Variants in SLC22A15 observed in about 807,000 individuals in gnomAD.
The protein encoded by SLC22A15 is flipt 1.
SLC22A15 carries 45 observed loss-of-function variants against 62.7 expected under a neutral mutation model. The ratio of observed to expected loss-of-function variants is 0.72; its 90% CI spans 0.56 to 0.92. The LOEUF is 0.92. Ranked by LOEUF, SLC22A15 falls within the 40% of genes least tolerant of loss-of-function variation. The pLI is 0.00. For missense variants in SLC22A15, 622 were observed against 665.6 expected, an observed-to-expected ratio of 0.93 and a Z score of 0.72; for synonymous variants, 264 against 267.0, an observed-to-expected ratio of 0.99 and a Z score of 0.11.
At chr1:116,024,063 TA>T (rs1333196745) in intron 4 of SLC22A15, among the ~76,000 whole-genome samples, 1 of 152,152 alleles carries the variant, frequency 6.6e-6, no homozygotes, top group African/African-American at 2.4e-5. Flanking sequence ...TGGGGCATAT[TA>T]AATACAGGAG....
chr1:116,023,912 A>G (rs1656963963), intron 4 of SLC22A15, among the ~76,000 whole-genome samples: 1 of 152,198 alleles, frequency 6.6e-6, no homozygotes, highest in South Asian at 2.1e-4. Flanking sequence ...ACTTCTTTGA[A>G]AAGTTTTGAA....
At chr1:116,026,798 T>G in intron 4 of SLC22A15, 95 bp from the exon 5 acceptor site, 1 of 1,490,652 alleles carries the variant, frequency 6.7e-7, no homozygotes, top group Non-Finnish European at 9.2e-7. Context: ...AGGGCTGACA[T>G]CTCACCAGGA....
intron 2 of SLC22A15, among the ~76,000 whole-genome samples, chr1:115,993,144 A>C (rs1260211380): frequency 6.6e-6 from 1 of 152,098 alleles, no homozygotes; most frequent in African/African-American, 2.4e-5. Flanking sequence ...GGCAGATCTC[A>C]TGGTCAGCTG....
intron 8 of SLC22A15, among the ~76,000 whole-genome samples, chr1:116,045,759 A>ATT (rs1657915443): frequency 6.8e-6 from 1 of 147,070 alleles, no homozygotes. Flanking sequence ...AAAAAAAAAG[A>ATT]CTTATAATGA....
intron 2 of SLC22A15, among the ~76,000 whole-genome samples, chr1:115,996,671 C>A (rs78069298): frequency 6.6e-6 from 1 of 150,970 alleles, no homozygotes; most frequent in East Asian, 1.9e-4. Flanking sequence ...AAATATTGTA[C>A]AATTCATTTT....
chr1:116,002,142 C>T (rs1655772195), intron 2 of SLC22A15, among the ~76,000 whole-genome samples: 1 of 152,172 alleles, frequency 6.6e-6, no homozygotes, highest in South Asian at 2.1e-4. Flanking sequence ...GGAGAATTTC[C>T]TGGATTACCA....
chr1:116,037,277 C>T (rs1215061055), intron 7 of SLC22A15, 26 bp from the exon 8 acceptor site: 1 of 1,578,266 alleles, frequency 6.3e-7, no homozygotes, highest in Admixed American at 1.7e-5. Flanking sequence ...CTTAAGAGAA[C>T]TGTGTAATTT....
At chr1:116,039,458 A>C (rs1387572577) in intron 8 of SLC22A15, among the ~76,000 whole-genome samples, 1 of 152,200 alleles carries the variant, frequency 6.6e-6, no homozygotes, top group South Asian at 2.1e-4. Context: ...GCTTGAACCC[A>C]GGAGCTGGAG....
chr1:116,021,532 T>C (rs1015233552), intron 4 of SLC22A15, among the ~76,000 whole-genome samples: 25 of 152,246 alleles, frequency 1.6e-4, no homozygotes, highest in Non-Finnish European at 2.8e-4. Context: ...TTGTTTCTTT[T>C]ACTTTCATTC....
In SLC22A15 at chr1:116,068,297, G is replaced by A. The variant is rs1321925475; in HGVS notation, c.*1189G>A. The A allele has an allele frequency of 1.3e-5, 2 of 152,614 alleles. No individual in the cohort carries two copies. The highest frequency in any genetic ancestry group is 2.9e-5 in the Non-Finnish European group (2 of 68,032). The allele number at this position is 152,614 out of a possible 1,614,324, so 9.5% of individuals were successfully genotyped here. ...TATAAACCTGGAGTCAACAAGCTTA[G>A]GCAGCATTGATTTAGGTCACTTTCC... is the stretch of plus-strand genomic sequence containing the variant. On this transcript the variant is annotated 3_prime_UTR_variant, in exon 12 of 12. Transcript: ENST00000369503.
At chr1:115,987,229 A>G (rs1321548557) in intron 1 of SLC22A15, among the ~76,000 whole-genome samples, 3 of 148,712 alleles carry the variant, frequency 2.0e-5, no homozygotes, top group Non-Finnish European at 4.4e-5. Flanking sequence ...GCAGTGGCGC[A>G]ATCTCGGCTC....
intron 8 of SLC22A15, among the ~76,000 whole-genome samples, chr1:116,045,675 G>T (rs906035678): frequency 6.5e-5 from 9 of 139,394 alleles, no homozygotes; most frequent in Non-Finnish European, 1.1e-4. Context: ...GGGGGTAGAG[G>T]TTGCAGTGAG....
chr1:116,028,399 GAATA>G (rs1657209470), intron 5 of SLC22A15, among the ~76,000 whole-genome samples: 1 of 151,566 alleles, frequency 6.6e-6, no homozygotes, highest in Admixed American at 6.6e-5. Flanking sequence ...AAATATTGAT[GAATA>G]AATAAATTTT....
At chr1:116,034,350 CT>C (rs923642362) in intron 6 of SLC22A15, among the ~76,000 whole-genome samples, 6 of 152,114 alleles carry the variant, frequency 3.9e-5, no homozygotes, top group Non-Finnish European at 5.9e-5. Flanking sequence ...ACCACCATTA[CT>C]GTGTTTGAGG....
intron 1 of SLC22A15, 62 bp downstream of exon 1, chr1:115,976,776 G>GCGTC (rs1654314046): frequency 7.5e-7 from 1 of 1,338,100 alleles, no homozygotes; most frequent in African/African-American, 1.5e-5. Flanking sequence ...GCAGGGCTAG[G>GCGTC]CGTCCGCTCC....
At chr1:115,980,383 T>A (rs1450793998) in intron 1 of SLC22A15, among the ~76,000 whole-genome samples, 1 of 152,246 alleles carries the variant, frequency 6.6e-6, no homozygotes, top group Admixed American at 6.5e-5. Context: ...GAGATATGTG[T>A]AAGATGTTTA....
intron 1 of SLC22A15, among the ~76,000 whole-genome samples, chr1:115,985,367 T>G (rs1223556303): frequency 6.6e-6 from 1 of 152,154 alleles, no homozygotes; most frequent in Non-Finnish European, 1.5e-5. Flanking sequence ...GATCTAGGTT[T>G]GTGTAAGTGC....
At chr1:115,991,571 A>G (rs186168924) in intron 1 of SLC22A15, among the ~76,000 whole-genome samples, 2 of 152,334 alleles carry the variant, frequency 1.3e-5, no homozygotes, top group East Asian at 3.9e-4. Flanking sequence ...ATACTACAGA[A>G]AGTCTCTTGT....
At chr1:116,039,585 A>G (rs979192278) in intron 8 of SLC22A15, among the ~76,000 whole-genome samples, 40 of 152,210 alleles carry the variant, frequency 2.6e-4, no homozygotes, top group African/African-American at 9.1e-4. Flanking sequence ...TAATATTTCT[A>G]CTATTTAATT....
Sources: allele counts gnomAD v4.1 joint callset (sites outside exome capture counted in the v4.1 genomes callset), GRCh38; gene constraint gnomAD v4.1.1; transcripts MANE v1.5; gene names NCBI Gene and HGNC (gene_info 2026-07-23, HGNC 2026-07-21).